NARS2: variants seen among roughly 807,000 people sequenced by gnomAD.
NARS2 encodes the protein asparaginyl-tRNA synthetase 2, mitochondrial.
In NARS2, 60 loss-of-function variants were observed where a neutral mutation model predicts 62.9. The ratio of observed to expected loss-of-function variants is 0.95; its 90% CI spans 0.77 to 1.18. The LOEUF is 1.18. NARS2 is among the 50% of genes most tolerant of loss of function. The probability of loss-of-function intolerance (pLI) is 0.00; values close to 1 mark genes in which losing one functional copy is unlikely to be tolerated. For synonymous variants in NARS2, 196 were observed against 200.0 expected, an observed-to-expected ratio of 0.98 and a Z score of 0.17; for missense variants, 619 against 576.4, an observed-to-expected ratio of 1.07 and a Z score of -0.76.
rs116895939 is a variant in NARS2 at position 78,455,558 on chromosome 11, C to T, written c.1164+10318G>A. On this transcript the variant is annotated intron_variant, in intron 11 of 13. Transcript: ENST00000281038. ...TAGTTACTACCCCTACCAAAAGTAACCTCTTTCCTGACCTCTATCACCAGA... is the reference window on the plus strand; with the variant it reads ...TAGTTACTACCCCTACCAAAAGTAATCTCTTTCCTGACCTCTATCACCAGA... 5.3e-3 allele frequency among the ~76,000 whole-genome samples: 813 copies of T among 152,202 alleles called. 3 individuals are homozygous for T. Among genetic ancestry groups the T allele is most frequent in the Non-Finnish European group, 7.2e-3 (491 of 68,010 alleles).
At chr11:78,460,062 G>C (rs554622496) in intron 11 of NARS2, among the ~76,000 whole-genome samples, 1 of 152,174 alleles carries the variant, frequency 6.6e-6, no homozygotes, top group Non-Finnish European at 1.5e-5. Context: ...AGTCTGAGGT[G>C]AGAGAAAGAA....
At chr11:78,559,101 G>A (rs575841337) in intron 5 of NARS2, among the ~76,000 whole-genome samples, 23 of 152,072 alleles carry the variant, frequency 1.5e-4, no homozygotes, top group African/African-American at 4.8e-4. Context: ...TCAAGAGATC[G>A]AAACCATCCT....
chr11:78,475,093 C>T (rs1859033604), intron 9 of NARS2, among the ~76,000 whole-genome samples: 2 of 151,602 alleles, frequency 1.3e-5, no homozygotes, highest in South Asian at 2.1e-4. Context: ...CCCTCACCGG[C>T]CACTGGTAAC....
chr11:78,512,985 C>T (rs1366715128), intron 6 of NARS2, among the ~76,000 whole-genome samples: 1 of 152,160 alleles, frequency 6.6e-6, no homozygotes, highest in Non-Finnish European at 1.5e-5. Flanking sequence ...CACAGTGGCT[C>T]ACATCTGAAA....
At chr11:78,464,740 A>T (rs1858544477) in intron 11 of NARS2, among the ~76,000 whole-genome samples, 1 of 152,044 alleles carries the variant, frequency 6.6e-6, no homozygotes, top group Non-Finnish European at 1.5e-5. Context: ...CTAGAAACAG[A>T]GTGTCCACTG....
chr11:78,526,604 A>G (rs1422152536), intron 6 of NARS2, among the ~76,000 whole-genome samples: 4 of 152,174 alleles, frequency 2.6e-5, no homozygotes, highest in Non-Finnish European at 5.9e-5. Flanking sequence ...TGACAGTAGT[A>G]CAAATACTTC....
At chr11:78,440,054 A>G (rs1410211337) in intron 13 of NARS2, among the ~76,000 whole-genome samples, 2 of 152,106 alleles carry the variant, frequency 1.3e-5, no homozygotes, top group East Asian at 3.8e-4. Context: ...AGAGCAAAGG[A>G]TTTTTTTAAA....
intron 11 of NARS2, among the ~76,000 whole-genome samples, chr11:78,447,876 A>G (rs1449080714): frequency 6.6e-6 from 1 of 152,184 alleles, no homozygotes; most frequent in Non-Finnish European, 1.5e-5. Context: ...GTTGCTGATC[A>G]AAGGGTACAA....
At chr11:78,513,866 G>C (rs1860809371) in intron 6 of NARS2, among the ~76,000 whole-genome samples, 1 of 152,024 alleles carries the variant, frequency 6.6e-6, no homozygotes, top group African/African-American at 2.4e-5. Flanking sequence ...GATCATAGGG[G>C]TGGATCCCTC....
chr11:78,563,843 A>T (rs1182178512), intron 4 of NARS2, among the ~76,000 whole-genome samples: 5 of 75,290 alleles, frequency 6.6e-5, no homozygotes, highest in African/African-American at 2.8e-4. Flanking sequence ...AAAAAAAAAA[A>T]AAAAAAAAAT....
chr11:78,465,367 C>G (rs1276323327), intron 11 of NARS2, among the ~76,000 whole-genome samples: 2 of 152,266 alleles, frequency 1.3e-5, no homozygotes, highest in African/African-American at 4.8e-5. Flanking sequence ...CAGTGGCAGG[C>G]TGAAGGGCTC....
At chr11:78,492,739 T>C (rs905141483) in intron 7 of NARS2, among the ~76,000 whole-genome samples, 1 of 152,196 alleles carries the variant, frequency 6.6e-6, no homozygotes, top group African/African-American at 2.4e-5. Flanking sequence ...ATGCATTATA[T>C]TATATATACA....
At chr11:78,537,671 C>T (rs1855412138) in intron 5 of NARS2, among the ~76,000 whole-genome samples, 1 of 152,160 alleles carries the variant, frequency 6.6e-6, no homozygotes, top group African/African-American at 2.4e-5. Context: ...CATGGAGGCA[C>T]GTGCCTGTAG....
At chr11:78,564,765 G>A (rs776419761) in intron 4 of NARS2, among the ~76,000 whole-genome samples, 5 of 152,248 alleles carry the variant, frequency 3.3e-5, no homozygotes, top group Non-Finnish European at 7.3e-5. Flanking sequence ...GACAGCATGT[G>A]TAACTGGACC....
At chr11:78,477,749 G>C (rs4945282) in intron 9 of NARS2, among the ~76,000 whole-genome samples, 2 of 151,954 alleles carry the variant, frequency 1.3e-5, no homozygotes, top group African/African-American at 4.8e-5. Context: ...TGCTAAGACA[G>C]AGACTAATCT....
chr11:78,500,245 C>G (rs1271265524), intron 6 of NARS2, among the ~76,000 whole-genome samples: 1 of 152,092 alleles, frequency 6.6e-6, no homozygotes, highest in Non-Finnish European at 1.5e-5. Flanking sequence ...AATCATGGCT[C>G]CTCCACTTAT....
intron 4 of NARS2, among the ~76,000 whole-genome samples, chr11:78,560,010 A>C (rs79987681): frequency 0.024 from 3,636 of 152,300 alleles, 136 homozygotes; most frequent in African/African-American, 0.083. Context: ...GTGGTGATTT[A>C]ACAAACACAT....
intron 12 of NARS2, among the ~76,000 whole-genome samples, chr11:78,442,873 G>A (rs11237494): frequency 0.084 from 12,813 of 152,176 alleles, 926 homozygotes; most frequent in East Asian, 0.4. Flanking sequence ...ACATAGAAGA[G>A]AATCTGAGGA....
chr11:78,478,310 A>T (rs1269460241), intron 9 of NARS2, 128 bp downstream of exon 9: 81 of 296,930 alleles, frequency 2.7e-4, no homozygotes, highest in Non-Finnish European at 4.3e-4. Flanking sequence ...ATAGACATAT[A>T]ATATGTCTAT....
Sources: allele counts gnomAD v4.1 joint callset (sites outside exome capture counted in the v4.1 genomes callset), GRCh38; gene constraint gnomAD v4.1.1; transcripts MANE v1.5; gene names NCBI Gene and HGNC (gene_info 2026-07-23, HGNC 2026-07-21).